SLC25A12: variants seen among roughly 807,000 people sequenced by gnomAD.
SLC25A12 encodes solute carrier family 25 member 12, also known as electrogenic aspartate/glutamate antiporter SLC25A12, mitochondrial.
Under a neutral mutation model 83.3 loss-of-function variants are expected in SLC25A12, and 32 were observed. That is an observed-to-expected ratio of 0.38 (90% CI 0.29 to 0.52). The LOEUF is 0.52. Ranked by LOEUF, SLC25A12 falls within the 20% of genes least tolerant of loss-of-function variation. The pLI, the probability that SLC25A12 is intolerant of heterozygous loss-of-function variation, is 0.84. For synonymous variants in SLC25A12, 267 were observed against 291.1 expected, an observed-to-expected ratio of 0.92 and a Z score of 0.84; for missense variants, 611 against 835.6, an observed-to-expected ratio of 0.73 and a Z score of 3.31.
At chr2:171,868,190 A>C (rs920554901) in intron 3 of SLC25A12, among the ~76,000 whole-genome samples, 1 of 151,786 alleles carries the variant, frequency 6.6e-6, no homozygotes, top group African/African-American at 2.4e-5. Context: ...AAATATAATA[A>C]TAATATATTT....
chr2:171,816,354 C>T (rs1169572698), intron 9 of SLC25A12, among the ~76,000 whole-genome samples: 2 of 152,188 alleles, frequency 1.3e-5, no homozygotes, highest in African/African-American at 2.4e-5. Flanking sequence ...GCATAAGCCA[C>T]CTCACCTGGC....
intron 12 of SLC25A12, 47 bp downstream of exon 12, chr2:171,810,177 A>C: frequency 6.5e-7 from 1 of 1,536,806 alleles, no homozygotes; most frequent in Non-Finnish European, 9.0e-7. Flanking sequence ...TTTTGGCTTA[A>C]TGGTAATCTA....
chr2:171,801,907 CTGTGTGTGTG>C (rs3058854), intron 13 of SLC25A12, among the ~76,000 whole-genome samples: 4,465 of 145,368 alleles, frequency 0.031, 68 homozygotes, highest in Middle Eastern at 0.056. Context: ...ATATCTGGAT[CTGTGTGTGTG>C]TGTGTGTGTG....
chr2:171,816,471 T>C (rs1684052358), intron 9 of SLC25A12, among the ~76,000 whole-genome samples: 1 of 152,224 alleles, frequency 6.6e-6, no homozygotes, highest in East Asian at 1.9e-4. Flanking sequence ...CATCCTCTTG[T>C]ATTCTTTAAA....
intron 5 of SLC25A12, among the ~76,000 whole-genome samples, chr2:171,838,013 T>C (rs1055178432): frequency 2.0e-5 from 3 of 152,208 alleles, no homozygotes; most frequent in African/African-American, 7.2e-5. Flanking sequence ...ATCCCCTGTG[T>C]ACTATACAAA....
intron 4 of SLC25A12, among the ~76,000 whole-genome samples, chr2:171,854,422 C>G (rs546459389): frequency 6.6e-6 from 1 of 152,254 alleles, no homozygotes; most frequent in East Asian, 1.9e-4. Context: ...CAAAAATTAG[C>G]TGGGCATGGT....
chr2:171,888,225 G>A lies in SLC25A12; in HGVS notation c.66+4980C>T, dbSNP rs1685862798. On this transcript the variant is annotated intron_variant, in intron 2 of 17. Transcript: ENST00000422440. ...TCCTCCCATCTCAGCTTCCAGAGCA[G>A]CTAGGACCACAGGCATGTACCACCG... Among the ~76,000 whole-genome samples the A allele has an allele frequency of 2.7e-5, 4 of 150,486 alleles. No homozygotes were observed. In the Admixed American group the frequency reaches 2.7e-4, roughly 10 times the overall value.
At chr2:171,884,202 T>C (rs762865024) in intron 2 of SLC25A12, among the ~76,000 whole-genome samples, 289 of 140,014 alleles carry the variant, frequency 2.1e-3, no homozygotes, top group Non-Finnish European at 3.2e-3. Flanking sequence ...TTTTTTTTTT[T>C]CCCCCCGAGA....
At chr2:171,830,011 T>C (rs1444314247) in intron 8 of SLC25A12, among the ~76,000 whole-genome samples, 5 of 151,766 alleles carry the variant, frequency 3.3e-5, no homozygotes, top group East Asian at 1.9e-4. Context: ...GTAAGGGAGG[T>C]TGCACAGGGC....
intron 2 of SLC25A12, among the ~76,000 whole-genome samples, chr2:171,892,762 C>T (rs936282597): frequency 1.3e-5 from 2 of 151,986 alleles, no homozygotes; most frequent in African/African-American, 2.4e-5. Flanking sequence ...AAGTAAGACA[C>T]ACAAATTAAG....
At chr2:171,830,902 A>C (rs1684417403) in intron 8 of SLC25A12, among the ~76,000 whole-genome samples, 2 of 152,236 alleles carry the variant, frequency 1.3e-5, no homozygotes, top group African/African-American at 4.8e-5. Flanking sequence ...ATAGGGTTAG[A>C]ATCCAACACA....
chr2:171,854,070 G>C (rs1016436867), intron 4 of SLC25A12, among the ~76,000 whole-genome samples: 1 of 152,208 alleles, frequency 6.6e-6, no homozygotes, highest in African/African-American at 2.4e-5. Flanking sequence ...AGATATGTGA[G>C]CATGTGTGAT....
chr2:171,888,190 G>A (rs1440222862), intron 2 of SLC25A12, among the ~76,000 whole-genome samples: 2 of 150,510 alleles, frequency 1.3e-5, no homozygotes, highest in Admixed American at 1.3e-4. Context: ...GAACTTCTGG[G>A]CTCAAGTGAT....
chr2:171,877,471 C>T (rs767151792), intron 2 of SLC25A12, among the ~76,000 whole-genome samples: 17 of 152,018 alleles, frequency 1.1e-4, no homozygotes, highest in Non-Finnish European at 1.8e-4. Context: ...TTGAGACCAG[C>T]CTGGCCAACA....
chr2:171,848,259 G>A (rs1684841877), intron 4 of SLC25A12: 1 of 470,980 alleles, frequency 2.1e-6, no homozygotes, highest in African/African-American at 2.0e-5. Flanking sequence ...TACCAACGGT[G>A]TGGCCAGAGA....
intron 10 of SLC25A12, among the ~76,000 whole-genome samples, chr2:171,814,319 C>A (rs1294411709): frequency 1.3e-5 from 2 of 151,922 alleles, no homozygotes; most frequent in Non-Finnish European, 2.9e-5. Context: ...TGGCTGTGAA[C>A]AGGGAGGGAA....
At chr2:171,845,350 T>C (rs149739351) in intron 4 of SLC25A12, among the ~76,000 whole-genome samples, 2,843 of 151,416 alleles carry the variant, frequency 0.019, 57 homozygotes, top group Admixed American at 0.068. Flanking sequence ...TTAACAAGCA[T>C]AGACTGGATA....
At chr2:171,863,214 T>C (rs537649450) in intron 3 of SLC25A12, among the ~76,000 whole-genome samples, 13 of 152,152 alleles carry the variant, frequency 8.5e-5, no homozygotes, top group Non-Finnish European at 1.8e-4. Context: ...AGAATATCTT[T>C]TTAAAAAGAT....
chr2:171,826,594 G>C (rs1684304077), intron 9 of SLC25A12, among the ~76,000 whole-genome samples: 1 of 152,150 alleles, frequency 6.6e-6, no homozygotes, highest in Non-Finnish European at 1.5e-5. Flanking sequence ...GGGCAACACA[G>C]CCAGACTCCA....
Sources: allele counts gnomAD v4.1 joint callset (sites outside exome capture counted in the v4.1 genomes callset), GRCh38; gene constraint gnomAD v4.1.1; transcripts MANE v1.5; gene names NCBI Gene and HGNC (gene_info 2026-07-23, HGNC 2026-07-21).